LINGO2: variants seen among roughly 807,000 people sequenced by gnomAD.
LINGO2 encodes the protein leucine rich repeat and Ig domain containing 2, also known as leucine-rich repeat and immunoglobulin-like domain-containing nogo receptor-interacting protein 2.
A neutral mutation model predicts 30.6 loss-of-function variants in LINGO2; 14 were observed. That is an observed-to-expected ratio of 0.46 (90% CI 0.30 to 0.72). The LOEUF (loss-of-function observed/expected upper bound fraction) is 0.72. Among genes scored for constraint, LINGO2 ranks in the 30% least tolerant of loss-of-function variants. The probability of loss-of-function intolerance (pLI) is 0.07; values close to 1 mark genes in which losing one functional copy is unlikely to be tolerated. For missense variants in LINGO2, 729 were observed against 751.7 expected (o/e 0.97, Z 0.35); for synonymous variants, 317 against 288.5 (o/e 1.10, Z -1.00).
chr9:28,500,646 T>C (rs1819846140), intron 1 of LINGO2, among the ~76,000 whole-genome samples: 1 of 152,022 alleles, frequency 6.6e-6, no homozygotes, highest in Admixed American at 6.6e-5. Context: ...AGGAAGAGTA[T>C]ACGTCAATGT....
chr9:28,803,061 A>T, the LINGO2 span, among the ~76,000 whole-genome samples: 1 of 152,126 alleles, frequency 6.6e-6, no homozygotes, highest in Non-Finnish European at 1.5e-5. Flanking sequence ...CACCAGTTCA[A>T]CTAAGATCTG....
At chr9:27,977,066 A>C (rs1014683406) in intron 5 of LINGO2, among the ~76,000 whole-genome samples, 4 of 152,020 alleles carry the variant, frequency 2.6e-5, no homozygotes, top group African/African-American at 9.7e-5. Context: ...GTGGAAGCAA[A>C]CAACTGAACA....
intron 5 of LINGO2, among the ~76,000 whole-genome samples, chr9:27,958,049 T>C (rs1489954129): frequency 6.6e-6 from 1 of 152,210 alleles, no homozygotes; most frequent in Non-Finnish European, 1.5e-5. Flanking sequence ...GGACAATTAT[T>C]TGGTTTTTCA....
At chr9:28,292,337 T>C (rs1025180314) in intron 4 of LINGO2, among the ~76,000 whole-genome samples, 1 of 152,220 alleles carries the variant, frequency 6.6e-6, no homozygotes, top group East Asian at 1.9e-4. Flanking sequence ...ATTTTATGGA[T>C]TAAGTGAATT....
At chr9:28,906,239 A>C in the LINGO2 span, among the ~76,000 whole-genome samples, 1 of 151,950 alleles carries the variant, frequency 6.6e-6, no homozygotes, top group African/African-American at 2.4e-5. Flanking sequence ...GTACAATATG[A>C]TGACTATAGT....
chr9:28,122,525 G>A (rs1340255168), intron 4 of LINGO2, among the ~76,000 whole-genome samples: 1 of 152,152 alleles, frequency 6.6e-6, no homozygotes, highest in Non-Finnish European at 1.5e-5. Flanking sequence ...AATCACACAG[G>A]TCCAAATGGA....
At chr9:28,913,428 A>G in the LINGO2 span, among the ~76,000 whole-genome samples, 4 of 152,092 alleles carry the variant, frequency 2.6e-5, no homozygotes, top group East Asian at 7.7e-4. Context: ...ATCATACTCA[A>G]TGAAATTAGT....
chr9:28,595,604 C>T (rs1459135551), intron 1 of LINGO2, among the ~76,000 whole-genome samples: 1 of 152,006 alleles, frequency 6.6e-6, no homozygotes, highest in Non-Finnish European at 1.5e-5. Context: ...ACAAAAATTA[C>T]TTGTGGTTAT....
chr9:28,019,491 G>A (rs1358672228), intron 4 of LINGO2, among the ~76,000 whole-genome samples: 1 of 151,948 alleles, frequency 6.6e-6, no homozygotes, highest in Non-Finnish European at 1.5e-5. Context: ...GAAACAAACT[G>A]AAGGCAGTGA....
rs532962774 is a variant in LINGO2 at position 28,059,727 on chromosome 9, A to G, written c.-86-47322T>C. Among the ~76,000 whole-genome samples the G allele has an allele frequency of 5.3e-5, 8 of 152,262 alleles. 1 individual carries two copies. Among genetic ancestry groups the G allele is most frequent in the African/African-American group, 1.9e-4 (8 of 41,536 alleles). The stretch of plus-strand genomic sequence containing the variant: ...GAACAGTGTATTGGAAAGGCCCTAT[A>G]GCCATCATGTTGACTTTTAGCTTAA... On this transcript the variant is annotated intron_variant, in intron 4 of 5. Coordinates refer to ENST00000379992, the Ensembl canonical transcript of LINGO2.
chr9:28,675,995 G>A, the LINGO2 span, among the ~76,000 whole-genome samples: 1 of 146,322 alleles, frequency 6.8e-6, no homozygotes, highest in Admixed American at 6.9e-5. Context: ...TTTTAAATAA[G>A]GCATTTTACA....
chr9:28,003,386 T>TATAGAGAG (rs144010026), intron 5 of LINGO2, among the ~76,000 whole-genome samples: 3 of 134,964 alleles, frequency 2.2e-5, no homozygotes, highest in Non-Finnish European at 4.8e-5. Flanking sequence ...TAGATAGATA[T>TATAGAGAG]AGAGAGAGAG....
At chr9:28,988,379 G>A in the LINGO2 span, among the ~76,000 whole-genome samples, 1 of 152,002 alleles carries the variant, frequency 6.6e-6, no homozygotes, top group African/African-American at 2.4e-5. Flanking sequence ...CATTTGCATA[G>A]AAAATATTTT....
At chr9:28,055,655 A>C (rs1377620124) in intron 4 of LINGO2, among the ~76,000 whole-genome samples, 1 of 152,152 alleles carries the variant, frequency 6.6e-6, no homozygotes, top group Non-Finnish European at 1.5e-5. Flanking sequence ...TAAGTTTGTT[A>C]GGTTTGCTAG....
chr9:28,586,766 G>C (rs2135682195), intron 1 of LINGO2, among the ~76,000 whole-genome samples: 1 of 152,094 alleles, frequency 6.6e-6, no homozygotes, highest in East Asian at 1.9e-4. Context: ...TCAAAGGTGA[G>C]CAGGGCCGTG....
the LINGO2 span, among the ~76,000 whole-genome samples, chr9:28,824,689 C>G: frequency 6.6e-6 from 1 of 152,124 alleles, no homozygotes; most frequent in African/African-American, 2.4e-5. Context: ...GCATACCATG[C>G]CTTTCCTAGC....
chr9:28,634,042 G>C (rs886383471), intron 1 of LINGO2, among the ~76,000 whole-genome samples: 5 of 152,146 alleles, frequency 3.3e-5, no homozygotes, highest in African/African-American at 1.2e-4. Context: ...GAACAAGAAA[G>C]AGGCACAATT....
chr9:28,233,061 T>TATATACACAA (rs60875467), intron 4 of LINGO2, among the ~76,000 whole-genome samples: 2 of 118,830 alleles, frequency 1.7e-5, no homozygotes, highest in Admixed American at 1.7e-4. Context: ...TATATATATA[T>TATATACACAA]TAGATATATA....
the LINGO2 span, among the ~76,000 whole-genome samples, chr9:28,881,387 G>A: frequency 0.095 from 14,412 of 152,108 alleles, 893 homozygotes; most frequent in South Asian, 0.18. Flanking sequence ...GCCTCCCAAA[G>A]TGCTGGAATT....
Sources: allele counts gnomAD v4.1 joint callset (sites outside exome capture counted in the v4.1 genomes callset), GRCh38; gene constraint gnomAD v4.1.1; transcripts MANE v1.5; gene names NCBI Gene and HGNC (gene_info 2026-07-23, HGNC 2026-07-21).